The following RGS17 variants were observed in gnomAD, a reference collection of about 807,000 sequenced individuals.
RGS17 encodes the protein regulator of G protein signaling 17, also known as regulator of G-protein signaling 17.
Under a neutral mutation model 25.5 loss-of-function variants are expected in RGS17, and 12 were observed. The ratio of observed to expected loss-of-function variants is 0.47; its 90% CI spans 0.30 to 0.76. The LOEUF is 0.76. RGS17 is among the 30% of genes least tolerant of loss of function. The pLI is 0.07. For synonymous variants in RGS17, 71 were observed against 76.9 expected, an observed-to-expected ratio of 0.92 and a Z score of 0.40; for missense variants, 196 against 242.2, an observed-to-expected ratio of 0.81 and a Z score of 1.27.
At chr6:153,039,113 T>G (rs1175814439) in intron 2 of RGS17, among the ~76,000 whole-genome samples, 2 of 152,188 alleles carry the variant, frequency 1.3e-5, no homozygotes, top group Non-Finnish European at 2.9e-5. Flanking sequence ...GAGAAAGTTG[T>G]GTTTGGAAAT....
At chr6:153,094,040 A>G (rs530080050) in intron 1 of RGS17, among the ~76,000 whole-genome samples, 1 of 152,086 alleles carries the variant, frequency 6.6e-6, no homozygotes, top group African/African-American at 2.4e-5. Flanking sequence ...GAGGCTTTCC[A>G]TATGTACTAT....
rs763383249 is a variant in RGS17 at position 153,128,158 on chromosome 6, C to T, written c.-26+2966G>A. Among the ~76,000 whole-genome samples the T allele has an allele frequency of 6.2e-4, 95 of 152,294 alleles. 1 individual carries two copies. Among genetic ancestry groups the T allele is most frequent in the Non-Finnish European group, 9.3e-4 (63 of 68,032 alleles). On this transcript the variant is annotated intron_variant, in intron 1 of 4. Transcript: ENST00000206262. ...CCATAAAAATATATTTGTCTGAGGA[C>T]CCTTGACACTCCCTTGGAAATGTCA...
chr6:153,015,756 C>A (rs1254038156), intron 4 of RGS17, among the ~76,000 whole-genome samples: 1 of 151,858 alleles, frequency 6.6e-6, no homozygotes, highest in Non-Finnish European at 1.5e-5. Flanking sequence ...CGGGTTCACG[C>A]CATTGTCCTG....
At chr6:153,120,705 A>C (rs975240819) in intron 1 of RGS17, among the ~76,000 whole-genome samples, 3 of 152,248 alleles carry the variant, frequency 2.0e-5, no homozygotes, top group Admixed American at 2.0e-4. Flanking sequence ...AGCAGCTGCC[A>C]GTATATGTCT....
chr6:153,116,120 T>G (rs574751168), intron 1 of RGS17, among the ~76,000 whole-genome samples: 62 of 152,224 alleles, frequency 4.1e-4, no homozygotes, highest in Admixed American at 3.5e-3. Context: ...AAAACTATCA[T>G]CAGAGTGAAC....
rs1488777675 is a variant in RGS17 at position 153,020,062 on chromosome 6, A to G, written c.444+4200T>C. Among the ~76,000 whole-genome samples the G allele has an allele frequency of 6.3e-5, 9 of 143,086 alleles. No homozygotes were observed. In the East Asian group the frequency reaches 1.8e-3, roughly 29 times the overall value. 93.9% of individuals were successfully genotyped at this position (143,086 alleles called of 152,430 possible). On this transcript the variant is annotated intron_variant, in intron 4 of 4. Coordinates refer to ENST00000206262, the MANE Select transcript of RGS17 (RefSeq NM_012419.5). Reference sequence around the variant, plus strand: ...CCTTCATAAAATGTACACTATACCAAGAACAGAAGTTATGTCACCTCCTAA... The same window carrying G: ...CCTTCATAAAATGTACACTATACCAGGAACAGAAGTTATGTCACCTCCTAA...
intron 4 of RGS17, among the ~76,000 whole-genome samples, chr6:153,022,676 G>T (rs958106545): frequency 6.6e-6 from 1 of 152,158 alleles, no homozygotes; most frequent in Admixed American, 6.5e-5. Flanking sequence ...GGCACATTTG[G>T]ATCATCTGGT....
chr6:153,035,846 T>C (rs1699119193), intron 2 of RGS17, among the ~76,000 whole-genome samples: 1 of 152,222 alleles, frequency 6.6e-6, no homozygotes, highest in Non-Finnish European at 1.5e-5. Context: ...TCATTTTCTC[T>C]GTCAGTAGCT....
intron 2 of RGS17, among the ~76,000 whole-genome samples, chr6:153,036,462 T>C (rs185342128): frequency 3.3e-5 from 5 of 152,302 alleles, no homozygotes; most frequent in Admixed American, 3.3e-4. Context: ...GAGGTTTCTG[T>C]CTGTAGCTCC....
chr6:153,080,253 T>G (rs1044670352), intron 1 of RGS17, among the ~76,000 whole-genome samples: 6 of 152,232 alleles, frequency 3.9e-5, no homozygotes, highest in African/African-American at 1.4e-4. Flanking sequence ...GTGCTGGGAT[T>G]ACAGGCGTGC....
intron 1 of RGS17, among the ~76,000 whole-genome samples, chr6:153,105,032 AGAGCCTGGAAGGT>A (rs1459223270): frequency 6.6e-6 from 1 of 152,208 alleles, no homozygotes; most frequent in Non-Finnish European, 1.5e-5. Flanking sequence ...TCAGAAAGGA[AGAGCCTGGAAGGT>A]GATCAGTACC....
At position 153,016,421 on chromosome 6, in the gene RGS17, A is replaced by G. The variant is rs372884395; in HGVS notation, c.445-4659T>C. Among the ~76,000 whole-genome samples the G allele has an allele frequency of 7.2e-4, 110 of 152,274 alleles. 1 individual carries two copies. The highest frequency in any genetic ancestry group is 2.4e-3 in the African/African-American group (101 of 41,532). On this transcript the variant is annotated intron_variant, in intron 4 of 4. Coordinates refer to ENST00000206262, the MANE Select transcript of RGS17 (RefSeq NM_012419.5). ...AGAAAACTTTTTGTTTCAATAGAGC[A>G]GGAAACCTTACATTAGAGATTAAAA...
intron 1 of RGS17, among the ~76,000 whole-genome samples, chr6:153,076,126 A>G (rs1776874286): frequency 6.6e-6 from 1 of 152,194 alleles, no homozygotes; most frequent in Non-Finnish European, 1.5e-5. Flanking sequence ...ATAACTATAC[A>G]TGGAAGAATC....
intron 3 of RGS17, among the ~76,000 whole-genome samples, chr6:153,025,472 A>C (rs908044443): frequency 2.6e-5 from 4 of 151,824 alleles, no homozygotes; most frequent in African/African-American, 9.7e-5. Flanking sequence ...GACTGCAAAA[A>C]CCACTAGTAA....
chr6:153,094,812 C>T (rs904495163), intron 1 of RGS17, among the ~76,000 whole-genome samples: 2 of 152,054 alleles, frequency 1.3e-5, no homozygotes, highest in Non-Finnish European at 1.5e-5. Flanking sequence ...GGCTTTTATA[C>T]CTTCTTTCAA....
At chr6:153,054,100 A>ATATGTATG (rs1206727866) in intron 1 of RGS17, among the ~76,000 whole-genome samples, 1 of 95,358 alleles carries the variant, frequency 1.0e-5, no homozygotes, top group Admixed American at 1.2e-4. Flanking sequence ...TTTTATATAT[A>ATATGTATG]TATATATATA....
chr6:153,042,539 TG>T (rs1166525289), intron 2 of RGS17, among the ~76,000 whole-genome samples: 1 of 152,198 alleles, frequency 6.6e-6, no homozygotes, highest in Non-Finnish European at 1.5e-5. Flanking sequence ...CCCAGCCCTG[TG>T]GAACTGTGAG....
intron 1 of RGS17, among the ~76,000 whole-genome samples, chr6:153,083,292 G>A (rs1777009149): frequency 6.6e-6 from 1 of 152,150 alleles, no homozygotes; most frequent in African/African-American, 2.4e-5. Flanking sequence ...AATACATCAT[G>A]AGACTATGAA....
At chr6:153,038,731 C>A (rs1358015177) in intron 2 of RGS17, among the ~76,000 whole-genome samples, 1 of 152,106 alleles carries the variant, frequency 6.6e-6, no homozygotes, top group Non-Finnish European at 1.5e-5. Flanking sequence ...CAAAAAATAT[C>A]CTTTGACTTT....
Sources: allele counts gnomAD v4.1 joint callset (sites outside exome capture counted in the v4.1 genomes callset), GRCh38; gene constraint gnomAD v4.1.1; transcripts MANE v1.5; gene names NCBI Gene and HGNC (gene_info 2026-07-23, HGNC 2026-07-21).